ULK4: variants seen among roughly 807,000 people sequenced by gnomAD.
ULK4 encodes inactive serine/threonine-protein kinase ULK4.
ULK4 carries 133 observed loss-of-function variants against 160.6 expected under a neutral mutation model. That is an observed-to-expected ratio of 0.83 (90% CI 0.72 to 0.96). ULK4 has a LOEUF of 0.96. Among genes scored for constraint, ULK4 ranks in the 40% least tolerant of loss-of-function variants. The pLI, the probability that ULK4 is intolerant of heterozygous loss-of-function variation, is 0.00. For synonymous variants in ULK4, 534 were observed against 539.8 expected, an observed-to-expected ratio of 0.99 and a Z score of 0.15; for missense variants, 1,580 against 1,499.5, an observed-to-expected ratio of 1.05 and a Z score of -0.89.
At chr3:41,849,242 G>C (rs1037364752) in intron 17 of ULK4, among the ~76,000 whole-genome samples, 1 of 152,166 alleles carries the variant, frequency 6.6e-6, no homozygotes, top group Non-Finnish European at 1.5e-5. Flanking sequence ...TAGTCATGAA[G>C]GACTTGTATT....
chr3:41,632,181 G>A (rs1033783859), intron 30 of ULK4, among the ~76,000 whole-genome samples: 19 of 152,168 alleles, frequency 1.2e-4, no homozygotes, highest in African/African-American at 4.3e-4. Flanking sequence ...GGAGTGAACA[G>A]GAAGAGGCAG....
At chr3:41,560,938 T>C (rs1030849945) in intron 32 of ULK4, among the ~76,000 whole-genome samples, 8 of 152,236 alleles carry the variant, frequency 5.3e-5, no homozygotes, top group Non-Finnish European at 1.2e-4. Context: ...CCTTGTCTTG[T>C]GCCAGTTTTC....
intron 5 of ULK4, among the ~76,000 whole-genome samples, chr3:41,927,900 A>G (rs548337885): frequency 9.2e-5 from 14 of 152,288 alleles, no homozygotes; most frequent in Admixed American, 5.2e-4. Flanking sequence ...CCCACACCAT[A>G]ATAGTGGGAG....
chr3:41,616,097 T>A (rs1479973136), intron 30 of ULK4, among the ~76,000 whole-genome samples: 1 of 152,206 alleles, frequency 6.6e-6, no homozygotes, highest in African/African-American at 2.4e-5. Context: ...TTTTTATATA[T>A]GCCTCATTAG....
At chr3:41,274,640 T>C (rs2079198934) in intron 35 of ULK4, among the ~76,000 whole-genome samples, 1 of 152,258 alleles carries the variant, frequency 6.6e-6, no homozygotes, top group Admixed American at 6.5e-5. Flanking sequence ...CCAATTATTG[T>C]GGGCCTTGGC....
chr3:41,930,376 C>T (rs1363931858), intron 5 of ULK4, among the ~76,000 whole-genome samples: 2 of 151,942 alleles, frequency 1.3e-5, no homozygotes, highest in African/African-American at 2.4e-5. Context: ...GACTTAAAAC[C>T]ATAAAAACTC....
At chr3:41,881,737 G>T (rs192006816) in intron 17 of ULK4, among the ~76,000 whole-genome samples, 1 of 151,734 alleles carries the variant, frequency 6.6e-6, no homozygotes, top group Admixed American at 6.6e-5. Flanking sequence ...CTTGCATTTC[G>T]AACTAATAAA....
intron 3 of ULK4, 124 bp from the exon 4 acceptor site, chr3:41,936,064 G>A: frequency 1.6e-6 from 2 of 1,264,482 alleles, no homozygotes; most frequent in Non-Finnish European, 2.2e-6. Flanking sequence ...CTGACAGCCT[G>A]GTCAAGGAAC....
intron 11 of ULK4, among the ~76,000 whole-genome samples, chr3:41,909,980 T>C (rs919939375): frequency 3.3e-5 from 5 of 152,116 alleles, no homozygotes; most frequent in African/African-American, 1.2e-4. Flanking sequence ...CATTGCAACC[T>C]CCACCACCCG....
chr3:41,896,738 T>G, intron 15 of ULK4, 84 bp downstream of exon 15: 1 of 1,430,430 alleles, frequency 7.0e-7, no homozygotes, highest in Non-Finnish European at 9.3e-7. Context: ...TTGTGGTAGT[T>G]AAATCAAATT....
chr3:41,394,656 C>A (rs1384472746), intron 35 of ULK4, among the ~76,000 whole-genome samples: 1 of 151,952 alleles, frequency 6.6e-6, no homozygotes, highest in African/African-American at 2.4e-5. Flanking sequence ...TGCACCAGTG[C>A]AAAGTTGAGA....
intron 1 of ULK4, among the ~76,000 whole-genome samples, chr3:41,961,342 T>G (rs1700658876): frequency 6.6e-6 from 1 of 152,122 alleles, no homozygotes; most frequent in African/African-American, 2.4e-5. Context: ...ATTTACGGAA[T>G]CATACACTAC....
intron 35 of ULK4, among the ~76,000 whole-genome samples, chr3:41,329,703 A>C (rs1471279957): frequency 6.6e-6 from 1 of 152,182 alleles, no homozygotes; most frequent in Non-Finnish European, 1.5e-5. Context: ...AATGGACCAA[A>C]ATTTACATAA....
At chr3:41,401,578 T>G (rs1418685371) in intron 34 of ULK4, among the ~76,000 whole-genome samples, 3 of 152,150 alleles carry the variant, frequency 2.0e-5, no homozygotes, top group Non-Finnish European at 4.4e-5. Flanking sequence ...ATTCCTCTTT[T>G]AGGGTCTCTG....
At chr3:41,265,816 A>T (rs934776615) in intron 35 of ULK4, among the ~76,000 whole-genome samples, 4 of 152,170 alleles carry the variant, frequency 2.6e-5, no homozygotes, top group Non-Finnish European at 5.9e-5. Flanking sequence ...GGAATCGTGA[A>T]ATCTGTGGGT....
intron 30 of ULK4, among the ~76,000 whole-genome samples, chr3:41,630,341 T>C (rs1413326058): frequency 6.6e-6 from 1 of 152,190 alleles, no homozygotes; most frequent in African/African-American, 2.4e-5. Flanking sequence ...CTTGCAGTTG[T>C]AGGGCTGAAG....
intron 11 of ULK4, among the ~76,000 whole-genome samples, chr3:41,911,051 T>A (rs2148802753): frequency 6.6e-6 from 1 of 152,336 alleles, no homozygotes; most frequent in South Asian, 2.1e-4. Context: ...GAGGCATTAA[T>A]TCTTACAAAT....
chr3:41,416,911 C>T (rs183397734), intron 34 of ULK4, among the ~76,000 whole-genome samples: 9 of 152,200 alleles, frequency 5.9e-5, no homozygotes, highest in Non-Finnish European at 1.0e-4. Flanking sequence ...GAAGGAGAGT[C>T]GGGGGTAGGA....
rs992157168 is a variant in ULK4, at chr3:41,823,915, T to C, written c.1765-4409A>G. 2.0e-5 allele frequency among the ~76,000 whole-genome samples: 3 copies of C among 152,078 alleles called. No homozygotes were observed. In the East Asian group the frequency reaches 5.8e-4, roughly 29 times the overall value. ...TGGTGGCTCACGCCTATAATCTCAA[T>C]ACTTTGGAAGACTGAGGCAGGCAGA... On this transcript the variant is annotated intron_variant, in intron 18 of 36. Transcript: ENST00000301831.
Sources: allele counts gnomAD v4.1 joint callset (sites outside exome capture counted in the v4.1 genomes callset), GRCh38; gene constraint gnomAD v4.1.1; transcripts MANE v1.5; gene names NCBI Gene and HGNC (gene_info 2026-07-23, HGNC 2026-07-21).